Variants in HMCN2 observed in about 807,000 individuals in gnomAD.
HMCN2 encodes the protein hemicentin 2.
Under a neutral mutation model 377.5 loss-of-function variants are expected in HMCN2, and 325 were observed. The observed-to-expected ratio is 0.86, with a 90% CI of 0.79 to 0.94. The LOEUF (loss-of-function observed/expected upper bound fraction) is 0.94. Ranked by LOEUF, HMCN2 falls within the 40% of genes least tolerant of loss-of-function variation. HMCN2 has a pLI of 0.00. For missense variants in HMCN2, 4,543 were observed against 4,725.3 expected (o/e 0.96, Z 1.13); for synonymous variants, 2,007 against 2,046.8 (o/e 0.98, Z 0.53).
intron 81 of HMCN2, among the ~76,000 whole-genome samples, chr9:130,405,496 T>C (rs879746778): frequency 2.6e-5 from 4 of 152,174 alleles, no homozygotes; most frequent in African/African-American, 4.8e-5. Flanking sequence ...CCTCTCCAGA[T>C]GGGTTCAGTG....
At chr9:130,411,031 C>A (rs1588419053) in intron 85 of HMCN2, among the ~76,000 whole-genome samples, 1 of 152,098 alleles carries the variant, frequency 6.6e-6, no homozygotes, top group African/African-American at 2.4e-5. Context: ...TGAAGATGAA[C>A]ACCTGTGGAG....
Position 130,268,593 on chromosome 9 carries a change from C to CG in HMCN2, c.259+2456_259+2457insG, listed in dbSNP as rs1362103131. 3.2e-4 allele frequency among the ~76,000 whole-genome samples: 48 copies of CG among 149,568 alleles called. 1 individual carries two copies. Among genetic ancestry groups the CG allele is most frequent in the African/African-American group, 1.1e-3 (44 of 41,406 alleles). ...GAAGGGGGCTAAGGAAAGACCCCCC[C>CG]CTGAGGAAGCAGCCTGTGAGTAGGG... On this transcript the variant is annotated intron_variant, in intron 1 of 97. Transcript: ENST00000683500.
chr9:130,398,396 G>A (rs964482591), intron 74 of HMCN2, among the ~76,000 whole-genome samples, 155 bp from the exon 75 acceptor site: 1 of 152,078 alleles, frequency 6.6e-6, no homozygotes, highest in East Asian at 1.9e-4. Context: ...TGCTGGAAGC[G>A]CTGTCTCGGG....
chr9:130,299,780 C>A (rs1836389695), intron 8 of HMCN2, among the ~76,000 whole-genome samples: 1 of 151,062 alleles, frequency 6.6e-6, no homozygotes, highest in African/African-American at 2.4e-5. Flanking sequence ...TCTACCCACC[C>A]ATTCATCCAC....
chr9:130,357,314 A>C (rs1840090015), intron 34 of HMCN2, among the ~76,000 whole-genome samples: 1 of 137,360 alleles, frequency 7.3e-6, no homozygotes, highest in Admixed American at 7.2e-5. Flanking sequence ...AGATGGATGC[A>C]TGGGTGGGTG....
At chr9:130,311,344 G>T (rs980145410) in intron 15 of HMCN2, among the ~76,000 whole-genome samples, 1 of 152,176 alleles carries the variant, frequency 6.6e-6, no homozygotes, top group Non-Finnish European at 1.5e-5. Context: ...GGGGGGTTGT[G>T]CTGTCTCAGG....
intron 52 of HMCN2, among the ~76,000 whole-genome samples, chr9:130,377,257 G>T (rs1478458806): frequency 6.6e-6 from 1 of 152,052 alleles, no homozygotes; most frequent in Non-Finnish European, 1.5e-5. Context: ...GGGATTATAG[G>T]CGCCCGCCAC....
intron 46 of HMCN2, among the ~76,000 whole-genome samples, 184 bp from the exon 47 acceptor site, chr9:130,372,110 C>A (rs1841054802): frequency 6.6e-6 from 1 of 152,246 alleles, no homozygotes; most frequent in African/African-American, 2.4e-5. Context: ...AATCTCCAGG[C>A]AGTTCCATCC....
intron 23 of HMCN2, among the ~76,000 whole-genome samples, chr9:130,339,977 G>T (rs941523001): frequency 6.6e-6 from 1 of 152,224 alleles, no homozygotes; most frequent in Non-Finnish European, 1.5e-5. Context: ...GTTTGGCCCC[G>T]CAGGGGCCTG....
At chr9:130,376,281 G>C (rs1301727122) in intron 51 of HMCN2, among the ~76,000 whole-genome samples, 2 of 152,172 alleles carry the variant, frequency 1.3e-5, no homozygotes, top group African/African-American at 4.8e-5. Context: ...GGACCCCCAA[G>C]GAAGTCCTCT....
At position 130,351,505 on chromosome 9, in the gene HMCN2, G is replaced by A. The variant is rs1197017390; in HGVS notation, c.4513G>A (p.Glu1505Lys). ...GATCACCGGCAGTCACGTGGGGGATGAGGGACGATACCAGTGCGTGGCCTT... is the reference window on the plus strand; with the variant it reads ...GATCACCGGCAGTCACGTGGGGGATAAGGGACGATACCAGTGCGTGGCCTT... Reference protein sequence around the residue: ...LRITGSHVGDEGRYQCVAFSP... With the variant: ...LRITGSHVGDKGRYQCVAFSP... The change falls in exon 30 of 98, where the codon GAG becomes AAG. Residue 1505 changes from glutamate to lysine, a missense_variant. Glu to Lys is a moderately conservative substitution (Grantham distance 56). Coordinates refer to ENST00000683500, the MANE Select transcript of HMCN2 (RefSeq NM_001291815.2). This position sits in a 1 kb window ranked among gnomAD's most constrained non-coding sequence, Gnocchi z 5.4. The A allele has an allele frequency of 7.7e-7, 1 of 1,304,278 alleles. No individual in the cohort carries two copies. The highest frequency in any genetic ancestry group is 5.5e-5 in the East Asian group (1 of 18,022). 80.8% of individuals were successfully genotyped at this position (1,304,278 alleles called of 1,614,324 possible).
rs914561180 is a variant in HMCN2 at position 130,433,775 on chromosome 9, T to G, written c.*82T>G. ...GAAGCTTGGTCCACGCCACCTGCTG[T>G]GGCAAGCGGAGCGTCATCGTCTCCC... On this transcript the variant is annotated 3_prime_UTR_variant, in exon 98 of 98. Transcript: ENST00000683500. The G allele has an allele frequency of 2.7e-5, 31 of 1,144,576 alleles. No individual in the cohort carries two copies. Among genetic ancestry groups the G allele is most frequent in the Non-Finnish European group, 3.6e-5 (31 of 851,420 alleles). 70.9% of individuals were successfully genotyped at this position (1,144,576 alleles called of 1,614,324 possible).
At chr9:130,306,087 T>C (rs376562855) in intron 11 of HMCN2, 42 bp from the exon 12 acceptor site, 2 of 467,450 alleles carry the variant, frequency 4.3e-6, no homozygotes, top group Middle Eastern at 3.2e-4. Flanking sequence ...GCACGGCTGC[T>C]CTGATGGGCT....
At position 130,296,713 on chromosome 9, in the gene HMCN2, G is replaced by A. The variant is rs549504727; in HGVS notation, c.931G>A (p.Val311Ile). Residue 311 changes from valine to isoleucine, a missense_variant, in exon 7 of 98, where the codon GTC becomes ATC. By Grantham distance (29) the Val-to-Ile change is conservative (BLOSUM62 3). This residue lies in a region of HMCN2 where 547 missense variants were observed against 189.9 expected (regional missense o/e 2.88). Transcript: ENST00000683500. ...SGRHSVRITG[V>I]SNIDFRAGFS... The stretch of plus-strand genomic sequence containing the variant: ...CCGCCATTCAGTGAGGATCACAGGC[G>A]TCAGCAACATTGACTTCCGAGCCGG... 101 of 471,154 alleles carry A rather than the reference G, an allele frequency of 2.1e-4. No homozygotes were observed. The highest frequency in any genetic ancestry group is 1.6e-3 in the African/African-American group (82 of 50,174). The allele number at this position is 471,154 out of a possible 1,614,324, so 29.2% of individuals were successfully genotyped here.
Position 130,408,079 on chromosome 9 carries a change from G to A in HMCN2, c.12688+374G>A, listed in dbSNP as rs146889564. Among the ~76,000 whole-genome samples the A allele has an allele frequency of 1.2e-3, 186 of 152,354 alleles. 1 individual carries two copies. Among genetic ancestry groups the A allele is most frequent in the African/African-American group, 4.3e-3 (179 of 41,586 alleles). On this transcript the variant is annotated intron_variant, in intron 83 of 97. Transcript: ENST00000683500. ...AAAAATGCCAGAAGCTTGCCAGCCA[G>A]CCAGTTGTCCCCTATGACCTACTCA...
intron 15 of HMCN2, among the ~76,000 whole-genome samples, chr9:130,318,589 C>T (rs1226058577): frequency 6.6e-6 from 1 of 152,160 alleles, no homozygotes; most frequent in African/African-American, 2.4e-5. Context: ...AAGCTATTAA[C>T]AGTGGTTACC....
Position 130,406,089 on chromosome 9 carries a change from C to A in HMCN2, c.12474C>A (p.Asp4158Glu), listed in dbSNP as rs536630774. The change falls in exon 82 of 98, where the codon GAC becomes GAA. Residue 4158 changes from aspartate (D) to glutamate (E), a missense_variant. Asp to Glu is a conservative substitution (Grantham distance 45, BLOSUM62 2). This residue lies in a region of HMCN2 where 1,073 missense variants were observed against 1,319.5 expected (regional missense o/e 0.81). Coordinates refer to ENST00000683500, the MANE Select transcript of HMCN2 (RefSeq NM_001291815.2). ...LPGDRSLRLG[D>E]RLWLRCAARG... ...GGGACCGCAGCCTGCGCCTTGGGGA[C>A]AGGCTGTGGCTTCGCTGTGCAGCCC... 22 of 1,289,876 alleles carry A rather than the reference C, an allele frequency of 1.7e-5. No homozygotes were observed. In the South Asian group the frequency reaches 2.6e-4, roughly 15 times the overall value. The allele number at this position is 1,289,876 out of a possible 1,614,324, so 79.9% of individuals were successfully genotyped here.
chr9:130,309,833 A>C (rs962714826), intron 14 of HMCN2, 79 bp from the exon 15 acceptor site: 3 of 356,024 alleles, frequency 8.4e-6, no homozygotes, highest in Non-Finnish European at 1.8e-5. Flanking sequence ...GCAGGAGCCA[A>C]GGGTCAGGCT....
chr9:130,380,736 G>A (rs545202660), intron 54 of HMCN2, among the ~76,000 whole-genome samples: 3 of 150,912 alleles, frequency 2.0e-5, no homozygotes, highest in East Asian at 1.9e-4. Flanking sequence ...TCAGTGAGCC[G>A]TGATCACACC....
Sources: allele counts gnomAD v4.1 joint callset (sites outside exome capture counted in the v4.1 genomes callset), GRCh38; gene constraint gnomAD v4.1.1; regional missense constraint gnomAD v4.1.1; non-coding constraint Gnocchi (gnomAD v3.1); transcripts MANE v1.5; gene names NCBI Gene and HGNC (gene_info 2026-07-23, HGNC 2026-07-21).